The following BASP1 variants were observed in gnomAD, a reference collection of about 807,000 sequenced individuals.
The protein encoded by BASP1 is brain abundant membrane attached signal protein 1.
A neutral mutation model predicts 2.2 loss-of-function variants in BASP1; 1 was observed. The observed-to-expected ratio is 0.46, with a 90% CI of 0.16 to 2.17. The LOEUF is 2.17. Among genes scored for constraint, BASP1 ranks in the 30% most tolerant of loss-of-function variants. The pLI, the probability that BASP1 is intolerant of heterozygous loss-of-function variation, is 0.27. For missense variants in BASP1, 352 were observed against 327.2 expected, an observed-to-expected ratio of 1.08 and a Z score of -0.58; for synonymous variants, 187 against 154.2, an observed-to-expected ratio of 1.21 and a Z score of -1.58.
At chr5:17,222,708 T>A (rs1387365899) in intron 1 of BASP1, among the ~76,000 whole-genome samples, 1 of 152,180 alleles carries the variant, frequency 6.6e-6, no homozygotes, top group African/African-American at 2.4e-5. Flanking sequence ...AGGATTTAAA[T>A]AACATAAAAA....
chr5:17,274,853 T>A (rs1400668109), intron 1 of BASP1, among the ~76,000 whole-genome samples: 4 of 152,020 alleles, frequency 2.6e-5, no homozygotes, highest in Non-Finnish European at 4.4e-5. Flanking sequence ...AATTGTGTAA[T>A]AACAGTGTAA....
intron 1 of BASP1, among the ~76,000 whole-genome samples, chr5:17,220,645 CGT>C (rs1292004413): frequency 6.6e-6 from 1 of 152,064 alleles, no homozygotes; most frequent in Non-Finnish European, 1.5e-5. Context: ...GCCATTGTGA[CGT>C]GTAGAAGAGA....
Position 17,260,562 on chromosome 5 carries a change from C to T in BASP1, c.-9-14646C>T, listed in dbSNP as rs928608994. On this transcript the variant is annotated intron_variant, in intron 1 of 1. Transcript: ENST00000322611. The surrounding 1 kb of genome is among the most constrained non-coding windows in gnomAD (Gnocchi z 4.2). ...CTTGACCGCATTTCATTTAATGCAA[C>T]GGAAATTTCAGTTACAATTTAGTTT... Among the ~76,000 whole-genome samples, 9 of 152,030 alleles carry T rather than the reference C, an allele frequency of 5.9e-5. No homozygotes were observed. The highest frequency in any genetic ancestry group is 1.9e-4 in the African/African-American group (8 of 41,376).
chr5:17,260,451 C>A lies in BASP1; in HGVS notation c.-9-14757C>A, dbSNP rs73756384. ...AAAGAAAAAAAAATCTTGACAATATCATTGTAGTGATTTCTGCATTCTGGT... is the reference window on the plus strand; with the variant it reads ...AAAGAAAAAAAAATCTTGACAATATAATTGTAGTGATTTCTGCATTCTGGT... On this transcript the variant is annotated intron_variant, in intron 1 of 1. Transcript: ENST00000322611. This position sits in a 1 kb window ranked among gnomAD's most constrained non-coding sequence, Gnocchi z 4.2. 0.021 allele frequency among the ~76,000 whole-genome samples: 3,193 copies of A among 152,172 alleles called. 116 individuals carry two copies. The highest frequency in any genetic ancestry group is 0.073 in the African/African-American group (3,026 of 41,522).
intron 1 of BASP1, among the ~76,000 whole-genome samples, chr5:17,261,216 C>T (rs752717627): frequency 6.6e-6 from 1 of 152,138 alleles, no homozygotes; most frequent in South Asian, 2.1e-4. Flanking sequence ...GCTGACTGTG[C>T]ATTTCCTTAT....
chr5:17,261,905 C>T (rs989247709), intron 1 of BASP1, among the ~76,000 whole-genome samples: 5 of 152,294 alleles, frequency 3.3e-5, no homozygotes, highest in Non-Finnish European at 5.9e-5. Context: ...TCTGTGAGCC[C>T]TTTCAAAGAG....
intron 1 of BASP1, among the ~76,000 whole-genome samples, chr5:17,234,149 AAAAC>A (rs965819200): frequency 6.6e-5 from 10 of 151,620 alleles, no homozygotes; most frequent in Non-Finnish European, 1.3e-4. Context: ...ACAAACAAAC[AAAAC>A]AAACAAAAAA....
chr5:17,219,442 T>A (rs1470600026), intron 1 of BASP1, among the ~76,000 whole-genome samples: 1 of 152,250 alleles, frequency 6.6e-6, no homozygotes, highest in Non-Finnish European at 1.5e-5. Context: ...AATTAAGATT[T>A]GCCTTGATGA....
chr5:17,262,901 C>T (rs1382963474), intron 1 of BASP1, among the ~76,000 whole-genome samples: 2 of 151,202 alleles, frequency 1.3e-5, no homozygotes, highest in East Asian at 3.9e-4. Flanking sequence ...GGCTGGAGTG[C>T]AGTGGCACGA....
chr5:17,266,813 T>TAAA (rs1271694490), intron 1 of BASP1, among the ~76,000 whole-genome samples: 2 of 30,894 alleles, frequency 6.5e-5, no homozygotes, highest in African/African-American at 4.0e-4. Context: ...AGATCCTGTC[T>TAAA]CAAAAAAAAA....
At chr5:17,245,576 T>G (rs925774878) in intron 1 of BASP1, among the ~76,000 whole-genome samples, 20 of 152,220 alleles carry the variant, frequency 1.3e-4, no homozygotes, top group Admixed American at 1.3e-3. Flanking sequence ...CTCAGCAATT[T>G]AATATGAGAT....
chr5:17,272,860 C>G (rs1458777246), intron 1 of BASP1, among the ~76,000 whole-genome samples: 2 of 152,178 alleles, frequency 1.3e-5, no homozygotes, highest in Non-Finnish European at 2.9e-5. Flanking sequence ...GTTTTAGTAA[C>G]TCAGATTTTA....
intron 1 of BASP1, among the ~76,000 whole-genome samples, chr5:17,267,573 C>T (rs191657811): frequency 6.6e-6 from 1 of 150,836 alleles, no homozygotes; most frequent in East Asian, 1.9e-4. Flanking sequence ...GGCTGGAGTG[C>T]GGTGGCACGA....
At position 17,260,996 on chromosome 5, in the gene BASP1, A is replaced by G. The variant is rs1011294495; in HGVS notation, c.-9-14212A>G. The stretch of plus-strand genomic sequence containing the variant: ...GGAGTTAAAGACTAGCCTGGGAAAT[A>G]TAGTGAGACTCCCATCTCTAAAAAT... On this transcript the variant is annotated intron_variant, in intron 1 of 1. Coordinates refer to ENST00000322611, the MANE Select transcript of BASP1 (RefSeq NM_006317.5). The surrounding 1 kb of genome is among the most constrained non-coding windows in gnomAD (Gnocchi z 4.2). Among the ~76,000 whole-genome samples the G allele has an allele frequency of 3.3e-5, 5 of 152,236 alleles. No homozygotes were observed. Among genetic ancestry groups the G allele is most frequent in the African/African-American group, 1.2e-4 (5 of 41,454 alleles).
Position 17,275,720 on chromosome 5 carries a change from A to C in BASP1, c.504A>C (p.Pro168=). 1.2e-6 allele frequency: 2 copies of C among 1,609,888 alleles called. No homozygotes were observed. The highest frequency in any genetic ancestry group is 1.7e-6 in the Non-Finnish European group (2 of 1,178,580). Residue 168 remains proline (P), a synonymous_variant, in exon 2 of 2, where the codon CCA becomes CCC. Coordinates refer to ENST00000322611, the MANE Select transcript of BASP1 (RefSeq NM_006317.5). The surrounding 1 kb of genome is among the most constrained non-coding windows in gnomAD (Gnocchi z 5.3). ...AGGAGACCAAAAGTGACGGGGCCCC[A>C]GCTTCAGACTCAAAACCCGGCAGCT... ...AAQETKSDGA[P]ASDSKPGSSE... is the part of the protein sequence containing the mutation.
rs572900110 is a variant in BASP1, at chr5:17,236,778, C to T, written c.-10+18968C>T. On this transcript the variant is annotated intron_variant, in intron 1 of 1. Coordinates refer to ENST00000322611, the MANE Select transcript of BASP1 (RefSeq NM_006317.5). This position sits in a 1 kb window ranked among gnomAD's most constrained non-coding sequence, Gnocchi z 4.0. ...AGCTGAGTGGTTCAAATATGGTGAG[C>T]AATGCACTCTTAACTAGACCCATAT... Among the ~76,000 whole-genome samples the T allele has an allele frequency of 2.9e-4, 44 of 152,136 alleles. No homozygotes were observed. In the South Asian group the frequency reaches 8.7e-3, roughly 30 times the overall value.
Position 17,276,066 on chromosome 5 carries a change from A to ATTTTTTTTTT in BASP1, c.*168_*169insTTTTTTTTTT. 3.4e-6 allele frequency: 1 copy of ATTTTTTTTTT among 293,456 alleles called. No individual in the cohort carries two copies. The highest frequency in any genetic ancestry group is 6.0e-6 in the Non-Finnish European group (1 of 167,138). The allele number at this position is 293,456 out of a possible 1,614,324, so 18.2% of individuals were successfully genotyped here. On this transcript the variant is annotated 3_prime_UTR_variant, in exon 2 of 2. Coordinates refer to ENST00000322611, the MANE Select transcript of BASP1 (RefSeq NM_006317.5). Reference sequence around the variant, plus strand: ...TTTCAAATTGGAAGTAATGATATGTATTGCCCAAGGAAAAATACAGGATGT... The same window carrying ATTTTTTTTTT: ...TTTCAAATTGGAAGTAATGATATGTATTTTTTTTTTTTGCCCAAGGAAAAATACAGGATGT...
At chr5:17,243,550 G>C (rs1739915095) in intron 1 of BASP1, among the ~76,000 whole-genome samples, 2 of 152,302 alleles carry the variant, frequency 1.3e-5, no homozygotes, top group East Asian at 3.9e-4. Context: ...GATTGGCCAG[G>C]CACAGAGTAA....
At chr5:17,267,233 T>C (rs1456469461) in intron 1 of BASP1, among the ~76,000 whole-genome samples, 3 of 152,202 alleles carry the variant, frequency 2.0e-5, no homozygotes, top group African/African-American at 7.2e-5. Flanking sequence ...GATTGGTAGA[T>C]GACCCATCAA....
Sources: allele counts gnomAD v4.1 joint callset (sites outside exome capture counted in the v4.1 genomes callset), GRCh38; gene constraint gnomAD v4.1.1; non-coding constraint Gnocchi (gnomAD v3.1); transcripts MANE v1.5; gene names NCBI Gene and HGNC (gene_info 2026-07-23, HGNC 2026-07-21).